Variants in PKHD1 observed in about 807,000 individuals in gnomAD.
PKHD1 encodes the protein fibrocystin.
PKHD1 carries 291 observed loss-of-function variants against 412.0 expected under a neutral mutation model. The ratio of observed to expected loss-of-function variants is 0.71; its 90% CI spans 0.64 to 0.78. The LOEUF is 0.78. PKHD1 is among the 30% of genes least tolerant of loss of function. The pLI, the probability that PKHD1 is intolerant of heterozygous loss-of-function variation, is 0.00. For synonymous variants in PKHD1, 1,777 were observed against 1,821.5 expected (o/e 0.98, Z 0.62); for missense variants, 4,825 against 4,950.7 (o/e 0.97, Z 0.76).
rs2151012284 is a variant in PKHD1, at chr6:51,753,343, A to G, written c.8808T>C (p.His2936=). 6.2e-7 allele frequency: 1 copy of G among 1,613,700 alleles called. No individual in the cohort carries two copies. Among genetic ancestry groups the G allele is most frequent in the Admixed American group, 1.7e-5 (1 of 59,974 alleles). The change falls in exon 57 of 67, where the codon CAT becomes CAC. Residue 2936 remains histidine, a synonymous_variant. Transcript: ENST00000371117. ...GAATGTGTCGGCCATCCTCCGTGAC[A>G]TGTACACTTCCTGGGGCAATAGGAG... ...RLKHRHIGSV[H]VTEDGRHIRL...
At chr6:51,683,507 T>G (rs1367989093) in intron 60 of PKHD1, among the ~76,000 whole-genome samples, 1 of 152,066 alleles carries the variant, frequency 6.6e-6, no homozygotes, top group Non-Finnish European at 1.5e-5. Flanking sequence ...TAAGCAAAAT[T>G]GTACCTTATT....
intron 32 of PKHD1, among the ~76,000 whole-genome samples, chr6:52,024,213 G>A (rs922390617): frequency 3.3e-5 from 5 of 152,084 alleles, no homozygotes; most frequent in African/African-American, 1.2e-4. Flanking sequence ...TTTAAACAAC[G>A]CAAATTGGCA....
Position 51,909,438 on chromosome 6 carries a change from T to C in PKHD1, c.6527A>G (p.Lys2176Arg). 1 of 1,613,442 alleles carries C rather than the reference T, an allele frequency of 6.2e-7. No individual in the cohort carries two copies. Among genetic ancestry groups the C allele is most frequent in the Non-Finnish European group, 8.5e-7 (1 of 1,179,562 alleles). Reference protein sequence around the residue: ...LQHCLYSMSEKMLGSRDMGAR... With the variant: ...LQHCLYSMSERMLGSRDMGAR... ...TCCCATATCCCTGGATCCTAGCATC[T>C]TCTCACTCATGGAATACAAACAGTG... Residue 2176 changes from lysine to arginine, a missense_variant, in exon 40 of 67, where the codon AAG becomes AGG. Physicochemically the swap from Lys to Arg is conservative, Grantham distance 26. Transcript: ENST00000371117.
chr6:51,781,205 A>G (rs1169440046), intron 53 of PKHD1, among the ~76,000 whole-genome samples: 1 of 152,168 alleles, frequency 6.6e-6, no homozygotes, highest in African/African-American at 2.4e-5. Context: ...TTTTTTCTGA[A>G]TTAGCTTTTA....
At chr6:51,892,550 T>C (rs972559169) in intron 43 of PKHD1, among the ~76,000 whole-genome samples, 1 of 152,218 alleles carries the variant, frequency 6.6e-6, no homozygotes, top group Non-Finnish European at 1.5e-5. Context: ...AATGTCAATA[T>C]TGACGTAGTT....
chr6:51,779,018 T>C (rs1791535995), intron 53 of PKHD1, among the ~76,000 whole-genome samples: 1 of 152,110 alleles, frequency 6.6e-6, no homozygotes, highest in African/African-American at 2.4e-5. Context: ...CCCTTTTGTG[T>C]GTAAAATCTT....
chr6:51,830,720 C>G (rs1279169044), intron 52 of PKHD1, 141 bp downstream of exon 52: 2 of 781,392 alleles, frequency 2.6e-6, no homozygotes, highest in Non-Finnish European at 4.3e-6. Flanking sequence ...ATTAACCCCC[C>G]CAAAAAGAGG....
intron 60 of PKHD1, among the ~76,000 whole-genome samples, chr6:51,686,380 C>T (rs1370243490): frequency 1.3e-5 from 2 of 152,164 alleles, no homozygotes; most frequent in Non-Finnish European, 2.9e-5. Flanking sequence ...GACTTCCTTG[C>T]TAATCCTCAC....
intron 52 of PKHD1, among the ~76,000 whole-genome samples, chr6:51,815,016 T>C (rs924334366): frequency 6.6e-6 from 1 of 152,200 alleles, no homozygotes; most frequent in Non-Finnish European, 1.5e-5. Flanking sequence ...AGCACCTCTT[T>C]GTCAGTTGCT....
At chr6:52,005,830 C>A (rs1402457282) in intron 35 of PKHD1, among the ~76,000 whole-genome samples, 1 of 151,778 alleles carries the variant, frequency 6.6e-6, no homozygotes, top group African/African-American at 2.4e-5. Flanking sequence ...GGTAGGAAAA[C>A]CTACGTAACT....
Position 51,823,904 on chromosome 6 carries a change from C to G in PKHD1, c.8302+6957G>C, listed in dbSNP as rs142355314. On this transcript the variant is annotated intron_variant, in intron 52 of 66. Coordinates refer to ENST00000371117, the MANE Select transcript of PKHD1 (RefSeq NM_138694.4). ...GCAACTAGAAGGAACTCCCTAGCCT[C>G]AAAGTGTTTTGTCTCAAAATTCAAT... 1.5e-3 allele frequency among the ~76,000 whole-genome samples: 232 copies of G among 152,196 alleles called. 2 individuals are homozygous for G. Among genetic ancestry groups the G allele is most frequent in the African/African-American group, 5.3e-3 (220 of 41,544 alleles).
At chr6:51,812,898 C>T (rs145656442) in intron 52 of PKHD1, among the ~76,000 whole-genome samples, 1 of 152,260 alleles carries the variant, frequency 6.6e-6, no homozygotes, top group African/African-American at 2.4e-5. Flanking sequence ...CCCAGACACT[C>T]CTTTCTATTG....
At chr6:51,649,040 T>C in intron 62 of PKHD1, 45 bp downstream of exon 62, 1 of 1,580,548 alleles carries the variant, frequency 6.3e-7, no homozygotes, top group Non-Finnish European at 8.7e-7. Context: ...GAATGCTACA[T>C]GCTACTTAGC....
At chr6:51,989,926 A>AG (rs1796743520) in intron 35 of PKHD1, among the ~76,000 whole-genome samples, 1 of 100,406 alleles carries the variant, frequency 1.0e-5, no homozygotes, top group African/African-American at 4.1e-5. Context: ...GAAGGAAGGA[A>AG]GGAAGGAAAG....
chr6:51,892,523 G>T lies in PKHD1; in HGVS notation c.6997-5278C>A, dbSNP rs536902538. Among the ~76,000 whole-genome samples the T allele has an allele frequency of 2.0e-5, 3 of 152,240 alleles. No homozygotes were observed. In the East Asian group the frequency reaches 5.8e-4, roughly 29 times the overall value. On this transcript the variant is annotated intron_variant, in intron 43 of 66. Transcript: ENST00000371117. ...ATACAGAGGATAGGCTCGACAACAAGGAATTACCCAGCCCAAAATGTCAAT... is the reference window on the plus strand; with the variant it reads ...ATACAGAGGATAGGCTCGACAACAATGAATTACCCAGCCCAAAATGTCAAT...
chr6:51,840,813 T>C (rs1228799552), intron 50 of PKHD1, among the ~76,000 whole-genome samples: 1 of 152,212 alleles, frequency 6.6e-6, no homozygotes, highest in African/African-American at 2.4e-5. Context: ...TTATCAATTA[T>C]ACCAAACCCT....
intron 21 of PKHD1, among the ~76,000 whole-genome samples, 200 bp downstream of exon 21, chr6:52,052,876 G>A (rs1018306225): frequency 2.0e-5 from 3 of 151,960 alleles, no homozygotes; most frequent in Non-Finnish European, 4.4e-5. Context: ...AAAATCGTGG[G>A]GAAAATAGGA....
intron 55 of PKHD1, among the ~76,000 whole-genome samples, chr6:51,760,274 A>T (rs1489049069): frequency 3.3e-5 from 5 of 152,128 alleles, no homozygotes; most frequent in Non-Finnish European, 7.4e-5. Flanking sequence ...TCAATGTAGC[A>T]TGCATTTATT....
At chr6:51,885,045 A>G (rs1411604021) in intron 45 of PKHD1, among the ~76,000 whole-genome samples, 2 of 152,124 alleles carry the variant, frequency 1.3e-5, no homozygotes, top group African/African-American at 2.4e-5. Flanking sequence ...TTATTGTGAC[A>G]TTATTATATG....
Sources: gnomAD v4.1 joint callset for allele counts (sites outside exome capture counted in the v4.1 genomes callset) on GRCh38, gnomAD v4.1.1 for gene constraint, MANE v1.5 for transcripts, NCBI Gene and HGNC (gene_info 2026-07-23, HGNC 2026-07-21) for gene names.